Variants in RUFY3 observed in about 807,000 individuals in gnomAD.
RUFY3 encodes the protein protein RUFY3.
RUFY3 carries 34 observed loss-of-function variants against 84.0 expected under a neutral mutation model. The ratio of observed to expected loss-of-function variants is 0.40; its 90% CI spans 0.31 to 0.54. The LOEUF (loss-of-function observed/expected upper bound fraction) is 0.54. Among genes scored for constraint, RUFY3 ranks in the 20% least tolerant of loss-of-function variants. RUFY3 has a pLI of 0.39. For missense variants in RUFY3, 507 were observed against 736.8 expected, an observed-to-expected ratio of 0.69 and a Z score of 3.61; for synonymous variants, 242 against 252.9, an observed-to-expected ratio of 0.96 and a Z score of 0.41.
chr4:70,769,455 G>C (rs1726576608), intron 5 of RUFY3, among the ~76,000 whole-genome samples: 1 of 152,198 alleles, frequency 6.6e-6, no homozygotes, highest in African/African-American at 2.4e-5. Flanking sequence ...CTAAAAAAAT[G>C]CTAACAATCA....
chr4:70,705,329 G>A (rs751031046), intron 1 of RUFY3: 28 of 1,316,368 alleles, frequency 2.1e-5, no homozygotes, highest in Middle Eastern at 2.8e-4. Flanking sequence ...CGCCCGCGGG[G>A]AAGGGAGCAT....
At chr4:70,751,332 T>C (rs1302619315) in intron 1 of RUFY3, among the ~76,000 whole-genome samples, 1 of 152,212 alleles carries the variant, frequency 6.6e-6, no homozygotes, top group African/African-American at 2.4e-5. Context: ...TGTTTAATTT[T>C]TTGGAGAATT....
chr4:70,794,436 C>T (rs991614783), intron 13 of RUFY3, among the ~76,000 whole-genome samples: 1 of 152,040 alleles, frequency 6.6e-6, no homozygotes, highest in African/African-American at 2.4e-5. Context: ...CAAAAATTTG[C>T]CAGACATAGT....
intron 1 of RUFY3, among the ~76,000 whole-genome samples, chr4:70,754,528 AT>A (rs371643194): frequency 0.071 from 10,274 of 144,120 alleles, 635 homozygotes; most frequent in East Asian, 0.2. Flanking sequence ...CTCTATTATA[AT>A]TTTTTTTTTT....
intron 4 of RUFY3, among the ~76,000 whole-genome samples, chr4:70,765,674 G>A (rs143746888): frequency 7.5e-4 from 114 of 152,120 alleles, no homozygotes; most frequent in African/African-American, 2.5e-3. Context: ...AACAAAAATA[G>A]CATGTGATCA....
At position 70,806,500 on chromosome 4, in the gene RUFY3, CCTCCTCTT is replaced by C. The variant is rs778688571; in HGVS notation, c.1720-12_1720-5del. On this transcript the variant is annotated splice_region_variant and splice_polypyrimidine_tract_variant and intron_variant, in intron 17 of 17. Transcript: ENST00000381006. ...TGCTCATCTTCTATTCCCCGCCTAA[CCTCCTCTT>C]CTCATAGAATGTGTGTAAGAACTGC... The C allele has an allele frequency of 1.1e-5, 17 of 1,613,582 alleles. No individual in the cohort carries two copies. The highest frequency in any genetic ancestry group is 1.4e-5 in the Non-Finnish European group (17 of 1,179,646).
chr4:70,798,783 G>A (rs1428616075), intron 14 of RUFY3, among the ~76,000 whole-genome samples: 1 of 152,068 alleles, frequency 6.6e-6, no homozygotes, highest in Non-Finnish European at 1.5e-5. Context: ...TCCAGCCTGG[G>A]TGCCAGAGTG....
upstream of RUFY3, chr4:70,721,823 C>T (rs529467436): frequency 5.1e-6 from 5 of 983,790 alleles, no homozygotes; most frequent in African/African-American, 8.7e-5. Flanking sequence ...GTTTGACTAG[C>T]ACAGTCTGGA....
Position 70,767,835 on chromosome 4 carries a change from C to T in RUFY3, c.573-703C>T, listed in dbSNP as rs12643451. 4.8e-3 allele frequency among the ~76,000 whole-genome samples: 732 copies of T among 152,096 alleles called. 49 individuals are homozygous for T. In the East Asian group the frequency reaches 0.12, roughly 25 times the overall value. On this transcript the variant is annotated intron_variant, in intron 4 of 17. Transcript: ENST00000381006. ...CTGGGATTACAGGTGTGCACCACCA[C>T]ACCCAGCTAATTTTTGTATTTTTAG...
At chr4:70,703,799 G>C (rs1394916844), upstream of RUFY3, 1 of 152,232 alleles carries the variant, frequency 6.6e-6, no homozygotes, top group East Asian at 1.9e-4. Context: ...TTTCAAAGAA[G>C]TACAACTTCC....
chr4:70,727,605 C>G (rs186522247), intron 1 of RUFY3, among the ~76,000 whole-genome samples: 2,128 of 151,704 alleles, frequency 0.014, 26 homozygotes, highest in Middle Eastern at 0.051. Context: ...ATCCACCCAC[C>G]TTGCCCTCCC....
chr4:70,789,557 T>A lies in RUFY3; in HGVS notation c.1302T>A (p.Asn434Lys). 6.2e-7 allele frequency: 1 copy of A among 1,613,006 alleles called. No homozygotes were observed. The highest frequency in any genetic ancestry group is 1.7e-5 in the Admixed American group (1 of 59,970). Reference protein sequence around the residue: ...ELNSRLEEKTNQMAATIKQLE... With the variant: ...ELNSRLEEKTKQMAATIKQLE... ...ACAGTCGCTTGGAAGAGAAGACTAA[T>A]CAGATGGCTGCTACCATTAAACAAC... The change falls in exon 12 of 18, where the codon AAT becomes AAA. Residue 434 changes from asparagine (N) to lysine (K), a missense_variant. Around this residue, in one of 4 missense-constraint regions of RUFY3, gnomAD observed 334 missense variants for 364.1 expected, o/e 0.92. Transcript: ENST00000381006.
At chr4:70,742,899 C>T (rs1721554737) in intron 1 of RUFY3, among the ~76,000 whole-genome samples, 1 of 152,080 alleles carries the variant, frequency 6.6e-6, no homozygotes, top group Admixed American at 6.5e-5. Flanking sequence ...TATTTTTATG[C>T]CATCTTTGAT....
At chr4:70,781,260 G>A (rs1728869382) in intron 8 of RUFY3, among the ~76,000 whole-genome samples, 1 of 152,174 alleles carries the variant, frequency 6.6e-6, no homozygotes, top group Non-Finnish European at 1.5e-5. Flanking sequence ...AAGGCAGGAG[G>A]ATCGTTTGAG....
At chr4:70,747,810 T>TC (rs1722472818) in intron 1 of RUFY3, among the ~76,000 whole-genome samples, 1 of 152,086 alleles carries the variant, frequency 6.6e-6, no homozygotes, top group Admixed American at 6.6e-5. Flanking sequence ...AGCCCATGAG[T>TC]CCAAGTCCAG....
intron 14 of RUFY3, among the ~76,000 whole-genome samples, chr4:70,797,306 A>G (rs1489238361): frequency 6.6e-6 from 1 of 152,160 alleles, no homozygotes; most frequent in Non-Finnish European, 1.5e-5. Flanking sequence ...CTGATTAGAT[A>G]TATTAAAATA....
At chr4:70,773,707 T>G in intron 6 of RUFY3, 135 bp downstream of exon 6, 1 of 602,132 alleles carries the variant, frequency 1.7e-6, no homozygotes, top group Non-Finnish European at 2.9e-6. Flanking sequence ...TTTAATAAAG[T>G]CTTGCCAGAA....
chr4:70,720,309 A>G (rs945790434), upstream of RUFY3, among the ~76,000 whole-genome samples: 2 of 152,138 alleles, frequency 1.3e-5, no homozygotes, highest in Non-Finnish European at 2.9e-5. Flanking sequence ...TCAGCCTCCC[A>G]AAGTGCTGGG....
chr4:70,764,391 A>G, intron 3 of RUFY3, 84 bp from the exon 4 acceptor site: 1 of 906,406 alleles, frequency 1.1e-6, no homozygotes, highest in South Asian at 1.5e-5. Context: ...GAATACCATT[A>G]GCAAGAATAA....
Sources: gnomAD v4.1 joint callset for allele counts (sites outside exome capture counted in the v4.1 genomes callset) on GRCh38, gnomAD v4.1.1 for gene constraint, gnomAD v4.1.1 regional missense constraint, MANE v1.5 for transcripts, NCBI Gene and HGNC (gene_info 2026-07-23, HGNC 2026-07-21) for gene names.